The following SLC25A21 variants were observed in gnomAD, a reference collection of about 807,000 sequenced individuals.
The protein encoded by SLC25A21 is mitochondrial 2-oxodicarboxylate carrier.
In SLC25A21, 47 loss-of-function variants were observed where a neutral mutation model predicts 43.8. The observed-to-expected ratio is 1.07, with a 90% CI of 0.85 to 1.37. SLC25A21 has a LOEUF of 1.37. Among genes scored for constraint, SLC25A21 ranks in the 40% most tolerant of loss-of-function variants. The probability of loss-of-function intolerance (pLI) is 0.00; values close to 1 mark genes in which losing one functional copy is unlikely to be tolerated. For missense variants in SLC25A21, 352 were observed against 350.2 expected, an observed-to-expected ratio of 1.00 and a Z score of -0.04; for synonymous variants, 131 against 121.3, an observed-to-expected ratio of 1.08 and a Z score of -0.52.
intron 1 of SLC25A21, among the ~76,000 whole-genome samples, chr14:37,134,990 T>G (rs1963454286): frequency 6.6e-6 from 1 of 151,318 alleles, no homozygotes; most frequent in Non-Finnish European, 1.5e-5. Context: ...TGCAGTGGCA[T>G]GATCTCGGCT....
intron 2 of SLC25A21, among the ~76,000 whole-genome samples, chr14:36,838,126 G>A (rs1294645555): frequency 2.6e-5 from 4 of 152,176 alleles, no homozygotes; most frequent in Non-Finnish European, 5.9e-5. Flanking sequence ...GAGTCAGGAG[G>A]TGAAACGTAA....
chr14:36,844,843 G>C (rs1032384113), intron 2 of SLC25A21, among the ~76,000 whole-genome samples: 2 of 152,212 alleles, frequency 1.3e-5, no homozygotes, highest in African/African-American at 2.4e-5. Flanking sequence ...GAGCCTGAGA[G>C]ACTGGCCAAG....
chr14:36,892,467 G>C (rs564243398), intron 1 of SLC25A21, among the ~76,000 whole-genome samples: 80 of 152,190 alleles, frequency 5.3e-4, no homozygotes, highest in African/African-American at 1.9e-3. Context: ...GAAATCCTGT[G>C]ATTTGCAACA....
In SLC25A21 at chr14:37,133,190, C is replaced by A. The variant is rs10150388; in HGVS notation, c.70+39091G>T. ...ACACACACTCATGCAAACACACAAA[C>A]ACGAGAATCACTGGCTGATAAATAT... On this transcript the variant is annotated intron_variant, in intron 1 of 9. Coordinates refer to ENST00000331299, the MANE Select transcript of SLC25A21 (RefSeq NM_030631.4). Among the ~76,000 whole-genome samples the A allele has an allele frequency of 1.8e-3, 275 of 151,412 alleles. 1 individual carries two copies. Among genetic ancestry groups the A allele is most frequent in the African/African-American group, 6.7e-3 (272 of 40,894 alleles).
chr14:37,146,412 A>G (rs1963665622), intron 1 of SLC25A21, among the ~76,000 whole-genome samples: 1 of 151,962 alleles, frequency 6.6e-6, no homozygotes, highest in African/African-American at 2.4e-5. Flanking sequence ...ACCCCCAGCT[A>G]ACTTCTGTAT....
intron 1 of SLC25A21, among the ~76,000 whole-genome samples, chr14:37,049,658 A>G (rs1961663823): frequency 6.6e-6 from 1 of 152,236 alleles, no homozygotes; most frequent in Non-Finnish European, 1.5e-5. Context: ...CAATAGATAT[A>G]TAATGAGACC....
intron 1 of SLC25A21, among the ~76,000 whole-genome samples, chr14:36,935,198 C>A (rs1892390865): frequency 6.6e-6 from 1 of 152,152 alleles, no homozygotes; most frequent in Non-Finnish European, 1.5e-5. Flanking sequence ...CAGAATGCGG[C>A]TCTGTCTAAA....
intron 1 of SLC25A21, among the ~76,000 whole-genome samples, chr14:36,979,497 C>T (rs117930500): frequency 0.038 from 5,789 of 151,904 alleles, 168 homozygotes; most frequent in Middle Eastern, 0.075. Context: ...CTGTGACTAC[C>T]GGTGTGCGCT....
At chr14:36,774,039 G>C (rs1407237618) in intron 3 of SLC25A21, among the ~76,000 whole-genome samples, 1 of 152,150 alleles carries the variant, frequency 6.6e-6, no homozygotes, top group East Asian at 1.9e-4. Flanking sequence ...CCAGATACCA[G>C]CTCCAATGCC....
intron 1 of SLC25A21, among the ~76,000 whole-genome samples, chr14:37,147,712 A>G (rs930776294): frequency 3.3e-5 from 5 of 151,682 alleles, no homozygotes; most frequent in Non-Finnish European, 7.4e-5. Context: ...TCTAGGGGGA[A>G]ATGCATTCTG....
chr14:37,084,227 C>A (rs1962441620), intron 1 of SLC25A21, among the ~76,000 whole-genome samples: 1 of 152,180 alleles, frequency 6.6e-6, no homozygotes, highest in African/African-American at 2.4e-5. Flanking sequence ...TAATGGCCTT[C>A]TCTCGGTTCC....
At chr14:36,894,221 G>C (rs1891170918) in intron 1 of SLC25A21, among the ~76,000 whole-genome samples, 1 of 152,102 alleles carries the variant, frequency 6.6e-6, no homozygotes, top group Non-Finnish European at 1.5e-5. Context: ...TCCTTGAGCA[G>C]TGGTTTGTAG....
At position 36,993,187 on chromosome 14, in the gene SLC25A21, C is replaced by A. The variant is rs1183644294; in HGVS notation, c.71-118183G>T. ...TATTTTCTATAGAATCATATTACTGCAAGCTACAACCCAGTGTCGAGTGTG... is the reference window on the plus strand; with the variant it reads ...TATTTTCTATAGAATCATATTACTGAAAGCTACAACCCAGTGTCGAGTGTG... On this transcript the variant is annotated intron_variant, in intron 1 of 9. Coordinates refer to ENST00000331299, the MANE Select transcript of SLC25A21 (RefSeq NM_030631.4). 3.9e-5 allele frequency among the ~76,000 whole-genome samples: 6 copies of A among 152,268 alleles called. No individual in the cohort carries two copies. In the South Asian group the frequency reaches 1.2e-3, roughly 32 times the overall value.
chr14:36,931,960 G>C (rs1426239619), intron 1 of SLC25A21, among the ~76,000 whole-genome samples: 1 of 152,128 alleles, frequency 6.6e-6, no homozygotes, highest in East Asian at 1.9e-4. Context: ...GCTTACAAGA[G>C]ATGATTACGA....
At chr14:36,693,398 C>T (rs1882876987) in intron 7 of SLC25A21, among the ~76,000 whole-genome samples, 1 of 151,984 alleles carries the variant, frequency 6.6e-6, no homozygotes, top group African/African-American at 2.4e-5. Context: ...TGATGACAGG[C>T]AGGGAGGGGA....
chr14:37,029,692 C>A (rs1961166869), intron 1 of SLC25A21, among the ~76,000 whole-genome samples: 2 of 152,002 alleles, frequency 1.3e-5, no homozygotes, highest in African/African-American at 4.8e-5. Context: ...GGCACCAACA[C>A]CCCCACACAG....
chr14:36,867,974 C>G (rs1033190026), intron 2 of SLC25A21, among the ~76,000 whole-genome samples: 1 of 151,600 alleles, frequency 6.6e-6, no homozygotes, highest in African/African-American at 2.4e-5. Context: ...AACTCTAGAG[C>G]CAAAGCTATT....
chr14:37,135,969 A>G (rs1963473817), intron 1 of SLC25A21, among the ~76,000 whole-genome samples: 1 of 152,230 alleles, frequency 6.6e-6, no homozygotes, highest in Non-Finnish European at 1.5e-5. Context: ...TCACTTATAT[A>G]GTGATAGTTC....
intron 1 of SLC25A21, among the ~76,000 whole-genome samples, chr14:37,055,812 TATTATA>T (rs1426877191): frequency 1.3e-5 from 2 of 152,212 alleles, no homozygotes; most frequent in African/African-American, 4.8e-5. Context: ...ACTTCACAAG[TATTATA>T]AATTCTAGAA....
Sources: allele counts gnomAD v4.1 joint callset (sites outside exome capture counted in the v4.1 genomes callset), GRCh38; gene constraint gnomAD v4.1.1; transcripts MANE v1.5; gene names NCBI Gene and HGNC (gene_info 2026-07-23, HGNC 2026-07-21).